The following KCNN2 variants were observed in gnomAD, a reference collection of about 807,000 sequenced individuals.
KCNN2 encodes small conductance calcium-activated potassium channel protein 2.
A neutral mutation model predicts 55.5 loss-of-function variants in KCNN2; 24 were observed. The observed-to-expected ratio is 0.43, with a 90% CI of 0.31 to 0.61. KCNN2 has a LOEUF of 0.61. Ranked by LOEUF, KCNN2 falls within the 20% of genes least tolerant of loss-of-function variation. The pLI is 0.08. For synonymous variants in KCNN2, 431 were observed against 336.1 expected (o/e 1.28, Z -3.09); for missense variants, 754 against 853.6 (o/e 0.88, Z 1.45).
intron 1 of KCNN2, among the ~76,000 whole-genome samples, chr5:114,153,192 A>G (rs569322669): frequency 1.3e-4 from 20 of 152,302 alleles, no homozygotes; most frequent in Non-Finnish European, 2.5e-4. Flanking sequence ...TTCAGAATAT[A>G]TTCATGTTGT....
chr5:114,098,510 G>A (rs1005478079), intron 1 of KCNN2, among the ~76,000 whole-genome samples: 9 of 152,032 alleles, frequency 5.9e-5, no homozygotes, highest in African/African-American at 2.2e-4. Context: ...TGTGAACTGT[G>A]CATGTGAGGG....
At chr5:114,257,700 A>T (rs893320945) in intron 2 of KCNN2, among the ~76,000 whole-genome samples, 1 of 152,114 alleles carries the variant, frequency 6.6e-6, no homozygotes, top group Non-Finnish European at 1.5e-5. Flanking sequence ...CATTGATTTC[A>T]TATCTTGAAA....
rs78960079 is a variant in KCNN2 at position 114,199,324 on chromosome 5, G to A, written c.-270-22156G>A. On this transcript the variant is annotated intron_variant, in intron 1 of 10. Transcript: ENST00000512097. ...ATCTATATGTGTCTTTATGGATAAG[G>A]TAAGTTTCTTGAAGCAGCATATAAT... Among the ~76,000 whole-genome samples the A allele has an allele frequency of 3.8e-3, 585 of 152,038 alleles. 3 individuals carry two copies. Among genetic ancestry groups the A allele is most frequent in the African/African-American group, 0.013 (549 of 41,486 alleles).
At chr5:114,376,049 C>T (rs1299851130) in intron 2 of KCNN2, among the ~76,000 whole-genome samples, 8 of 146,014 alleles carry the variant, frequency 5.5e-5, no homozygotes, top group African/African-American at 2.0e-4. Context: ...ACCTATTTTT[C>T]AGTTGTTAAG....
At chr5:114,359,810 C>A (rs865816340), upstream of KCNN2, among the ~76,000 whole-genome samples, 1 of 152,204 alleles carries the variant, frequency 6.6e-6, no homozygotes, top group African/African-American at 2.4e-5. Flanking sequence ...CGTCCTAATA[C>A]ATGTTTGATG....
chr5:114,283,745 A>C (rs1755675095), intron 2 of KCNN2, among the ~76,000 whole-genome samples: 1 of 152,210 alleles, frequency 6.6e-6, no homozygotes, highest in African/African-American at 2.4e-5. Flanking sequence ...TTTGTATTCC[A>C]GGTACCTGGG....
At chr5:114,109,420 A>G (rs1045429937) in intron 1 of KCNN2, among the ~76,000 whole-genome samples, 1 of 152,058 alleles carries the variant, frequency 6.6e-6, no homozygotes, top group Non-Finnish European at 1.5e-5. Flanking sequence ...GGTCCTGCCA[A>G]CACTCCAGGG....
chr5:114,336,451 T>C (rs36953), intron 2 of KCNN2, among the ~76,000 whole-genome samples: 62,320 of 152,068 alleles, frequency 0.41, 13,599 homozygotes, highest in East Asian at 0.86. Flanking sequence ...AATAGTCATC[T>C]TGTGACATGC....
chr5:114,220,222 G>A (rs1754103614), intron 1 of KCNN2, among the ~76,000 whole-genome samples: 1 of 152,102 alleles, frequency 6.6e-6, no homozygotes, highest in African/African-American at 2.4e-5. Context: ...CATTAGAAAT[G>A]TGTATTTCAA....
chr5:114,255,678 T>G (rs753464408), intron 2 of KCNN2, among the ~76,000 whole-genome samples: 8 of 151,960 alleles, frequency 5.3e-5, no homozygotes, highest in Non-Finnish European at 1.2e-4. Flanking sequence ...GGAGAAGAGT[T>G]GTAGAAGGGT....
intron 4 of KCNN2, among the ~76,000 whole-genome samples, chr5:114,470,398 T>C (rs1761669443): frequency 1.3e-5 from 2 of 152,154 alleles, no homozygotes; most frequent in South Asian, 2.1e-4. Context: ...AACCCAGTGA[T>C]TGAGGAGTAG....
At chr5:114,060,690 T>A (rs1306144291) in intron 1 of KCNN2, among the ~76,000 whole-genome samples, 2 of 152,220 alleles carry the variant, frequency 1.3e-5, no homozygotes, top group Non-Finnish European at 2.9e-5. Flanking sequence ...TCTTAGAGAC[T>A]ATTTATTTAT....
At chr5:114,353,562 A>G (rs1757250563) in intron 2 of KCNN2, among the ~76,000 whole-genome samples, 1 of 151,934 alleles carries the variant, frequency 6.6e-6, no homozygotes, top group Non-Finnish European at 1.5e-5. Context: ...GTGTGTGTGT[A>G]GATTCAAATT....
chr5:114,335,603 C>G (rs1756906587), intron 2 of KCNN2, among the ~76,000 whole-genome samples: 1 of 152,120 alleles, frequency 6.6e-6, no homozygotes, highest in Non-Finnish European at 1.5e-5. Flanking sequence ...ACTCAGCAAT[C>G]TAAAAATACA....
chr5:114,438,023 C>T (rs1334473734), intron 3 of KCNN2, among the ~76,000 whole-genome samples: 1 of 152,176 alleles, frequency 6.6e-6, no homozygotes, highest in African/African-American at 2.4e-5. Context: ...ACTTTATCTA[C>T]ACCAATCTGT....
intron 1 of KCNN2, among the ~76,000 whole-genome samples, chr5:114,197,721 C>T (rs143185775): frequency 4.5e-4 from 68 of 152,252 alleles, no homozygotes; most frequent in African/African-American, 1.6e-3. Context: ...GCAGCCTGCT[C>T]CTCCTAGGAT....
intron 1 of KCNN2, among the ~76,000 whole-genome samples, chr5:114,102,523 C>T (rs772785598): frequency 2.0e-5 from 3 of 152,160 alleles, no homozygotes; most frequent in African/African-American, 4.8e-5. Flanking sequence ...TTCCTATGTC[C>T]TGAATGGTAT....
intron 3 of KCNN2, among the ~76,000 whole-genome samples, chr5:114,442,137 A>T (rs1035249737): frequency 1.3e-5 from 2 of 152,118 alleles, no homozygotes; most frequent in Non-Finnish European, 2.9e-5. Flanking sequence ...GGATAAACAA[A>T]ACAGTACAAA....
At chr5:114,459,612 C>T (rs1254139891) in intron 3 of KCNN2, among the ~76,000 whole-genome samples, 1 of 152,094 alleles carries the variant, frequency 6.6e-6, no homozygotes, top group Non-Finnish European at 1.5e-5. Flanking sequence ...CTGATTACCT[C>T]ATCTTGAATA....
Sources: gnomAD v4.1 joint callset for allele counts (sites outside exome capture counted in the v4.1 genomes callset) on GRCh38, gnomAD v4.1.1 for gene constraint, MANE v1.5 for transcripts, NCBI Gene and HGNC (gene_info 2026-07-23, HGNC 2026-07-21) for gene names.